ASB3: variants seen among roughly 807,000 people sequenced by gnomAD.
ASB3 encodes the protein ankyrin repeat and SOCS box protein 3.
Under a neutral mutation model 54.5 loss-of-function variants are expected in ASB3, and 41 were observed. That is an observed-to-expected ratio of 0.75 (90% CI 0.59 to 0.98). ASB3 has a LOEUF of 0.98. Ranked by LOEUF, ASB3 falls within the 50% of genes least tolerant of loss-of-function variation. ASB3 has a pLI of 0.00. For synonymous variants in ASB3, 266 were observed against 221.2 expected, an observed-to-expected ratio of 1.20 and a Z score of -1.80; for missense variants, 733 against 620.0, an observed-to-expected ratio of 1.18 and a Z score of -1.94.
intron 8 of ASB3, among the ~76,000 whole-genome samples, chr2:53,698,596 A>G (rs575707356): frequency 6.6e-6 from 1 of 152,320 alleles, no homozygotes; most frequent in African/African-American, 2.4e-5. Context: ...TCAGCCTTCC[A>G]TAAAGTCCTT....
intron 2 of ASB3, among the ~76,000 whole-genome samples, chr2:53,753,527 T>C (rs1175969246): frequency 1.3e-5 from 2 of 152,150 alleles, no homozygotes; most frequent in African/African-American, 2.4e-5. Context: ...GATGTATATA[T>C]ACATGGGTTA....
At chr2:53,769,512 A>T (rs544728891) in intron 1 of ASB3, among the ~76,000 whole-genome samples, 1 of 152,228 alleles carries the variant, frequency 6.6e-6, no homozygotes, top group African/African-American at 2.4e-5. Context: ...TGATGATTAG[A>T]AATTGCCTAG....
In ASB3 at chr2:53,700,515, C is replaced by G. The variant is rs758290811; in HGVS notation, c.994G>C (p.Gly332Arg). The G allele has an allele frequency of 8.7e-6, 14 of 1,608,842 alleles. No homozygotes were observed. Among genetic ancestry groups the G allele is most frequent in the African/African-American group, 1.3e-5 (1 of 74,572 alleles). The change falls in exon 8 of 10, where the codon GGA (glycine) becomes CGA (arginine). Residue 332 changes from glycine (G) to arginine (R), a missense_variant. By Grantham distance (125) the Gly-to-Arg change is moderately radical. Transcript: ENST00000263634. ...TATTTCAAAAGAATGTTCACAATTC[C>G]AAAGAACTCACAGCTCCACCATAAA... ...MAFQKDCEFF[G>R]IVNILLKYGA...
At chr2:53,730,142 G>C (rs894131838) in intron 3 of ASB3, among the ~76,000 whole-genome samples, 5 of 152,178 alleles carry the variant, frequency 3.3e-5, no homozygotes, top group Non-Finnish European at 2.9e-5. Context: ...TGTTGTTAAA[G>C]AGATGCAGAT....
chr2:53,691,187 G>A (rs1214351545), intron 9 of ASB3, among the ~76,000 whole-genome samples: 3 of 152,214 alleles, frequency 2.0e-5, no homozygotes, highest in Non-Finnish European at 4.4e-5. Flanking sequence ...ATTAAAAGAT[G>A]AGAAGCAAGA....
At chr2:53,769,980 A>G (rs1378758752) in intron 1 of ASB3, among the ~76,000 whole-genome samples, 3 of 152,262 alleles carry the variant, frequency 2.0e-5, no homozygotes, top group Admixed American at 6.5e-5. Flanking sequence ...GAATGACAAT[A>G]TAAGCTACTG....
chr2:53,773,248 C>T (rs192533710), intron 1 of ASB3, among the ~76,000 whole-genome samples: 90 of 151,700 alleles, frequency 5.9e-4, no homozygotes, highest in African/African-American at 2.0e-3. Flanking sequence ...TCATATTTTT[C>T]ATTTCAGTCC....
intron 9 of ASB3, among the ~76,000 whole-genome samples, chr2:53,693,088 A>G (rs1669001191): frequency 6.6e-6 from 1 of 152,216 alleles, no homozygotes; most frequent in Non-Finnish European, 1.5e-5. Flanking sequence ...AACCTATTCA[A>G]AATGTTTTAT....
intron 3 of ASB3, among the ~76,000 whole-genome samples, chr2:53,733,593 C>T (rs1422375539): frequency 6.6e-6 from 1 of 152,132 alleles, no homozygotes; most frequent in African/African-American, 2.4e-5. Flanking sequence ...CAGCATGTGA[C>T]ACCACACCCA....
At chr2:53,682,966 T>C (rs1486168180) in intron 9 of ASB3, among the ~76,000 whole-genome samples, 1 of 152,238 alleles carries the variant, frequency 6.6e-6, no homozygotes, top group Non-Finnish European at 1.5e-5. Flanking sequence ...ATGCCCTTTC[T>C]TTCTTTCTCT....
At chr2:53,687,270 CA>C (rs1558516597) in intron 9 of ASB3, among the ~76,000 whole-genome samples, 1 of 151,436 alleles carries the variant, frequency 6.6e-6, no homozygotes, top group African/African-American at 2.4e-5. Context: ...AAAACAAAAA[CA>C]AAAACAAAAA....
intron 9 of ASB3, among the ~76,000 whole-genome samples, chr2:53,693,069 C>T (rs1341940131): frequency 6.6e-6 from 1 of 152,104 alleles, no homozygotes. Context: ...AATAAGTTCA[C>T]TTGTTAAAAA....
intron 3 of ASB3, among the ~76,000 whole-genome samples, chr2:53,733,781 G>A (rs958136507): frequency 6.6e-6 from 1 of 152,200 alleles, no homozygotes; most frequent in African/African-American, 2.4e-5. Flanking sequence ...CACACACAGA[G>A]AAATACAGAG....
intron 7 of ASB3, among the ~76,000 whole-genome samples, chr2:53,700,978 CTTAT>C: frequency 6.6e-6 from 1 of 152,200 alleles, no homozygotes; most frequent in African/African-American, 2.4e-5. Context: ...CCACTTTAAA[CTTAT>C]TTATTTTTCT....
intron 9 of ASB3, among the ~76,000 whole-genome samples, chr2:53,681,106 T>C (rs1668346783): frequency 6.6e-6 from 1 of 152,220 alleles, no homozygotes; most frequent in South Asian, 2.1e-4. Flanking sequence ...TGTATATGTA[T>C]CACAGTTTCT....
At chr2:53,697,185 C>T (rs1669230605) in intron 8 of ASB3, among the ~76,000 whole-genome samples, 2 of 152,198 alleles carry the variant, frequency 1.3e-5, no homozygotes, top group Non-Finnish European at 2.9e-5. Flanking sequence ...AAGACACTCC[C>T]ACCAGCCCCA....
At chr2:53,731,641 T>C (rs1671321872) in intron 3 of ASB3, among the ~76,000 whole-genome samples, 2 of 152,210 alleles carry the variant, frequency 1.3e-5, no homozygotes, top group Non-Finnish European at 2.9e-5. Flanking sequence ...ACACTGACAG[T>C]ATCCACGACA....
intron 7 of ASB3, among the ~76,000 whole-genome samples, chr2:53,710,473 C>G (rs939073045): frequency 1.3e-5 from 2 of 152,170 alleles, no homozygotes; most frequent in Admixed American, 6.5e-5. Flanking sequence ...TCTGGACCAT[C>G]TCAGGACTGG....
At chr2:53,681,790 T>C (rs1161208714) in intron 9 of ASB3, among the ~76,000 whole-genome samples, 2 of 152,186 alleles carry the variant, frequency 1.3e-5, no homozygotes, top group African/African-American at 2.4e-5. Flanking sequence ...AGTAAGGTAA[T>C]CTGATTCCTC....
Sources: allele counts gnomAD v4.1 joint callset (sites outside exome capture counted in the v4.1 genomes callset), GRCh38; gene constraint gnomAD v4.1.1; transcripts MANE v1.5; gene names NCBI Gene and HGNC (gene_info 2026-07-23, HGNC 2026-07-21).